GINM1: variants seen among roughly 807,000 people sequenced by gnomAD.
The protein encoded by GINM1 is glycoprotein integral membrane protein 1.
A neutral mutation model predicts 37.8 loss-of-function variants in GINM1; 29 were observed. The observed-to-expected ratio is 0.77, with a 90% CI of 0.57 to 1.05. The LOEUF is 1.05. GINM1 is among the 50% of genes least tolerant of loss of function. The pLI is 0.00. For synonymous variants in GINM1, 143 were observed against 146.2 expected (o/e 0.98, Z 0.16); for missense variants, 377 against 397.9 (o/e 0.95, Z 0.45).
At chr6:149,583,283 T>C (rs1778026771) in intron 7 of GINM1, among the ~76,000 whole-genome samples, 1 of 152,014 alleles carries the variant, frequency 6.6e-6, no homozygotes, top group Admixed American at 6.6e-5. Context: ...GCCAATATGA[T>C]GAAACCCTGT....
intron 1 of GINM1, among the ~76,000 whole-genome samples, chr6:149,567,626 G>C (rs148989925): frequency 1.1e-4 from 17 of 152,278 alleles, no homozygotes; most frequent in African/African-American, 4.1e-4. Flanking sequence ...GGGTGAGGGA[G>C]CTCAAAACAA....
rs1240804338 is a variant in GINM1, at chr6:149,582,565, AAC to A, written c.844_845del (p.Thr282HisfsTer10). ...VGITGAAVVITILKVFFPVSE... is the reference protein window; with the variant it reads ...VGITGAAVVIXILKVFFPVSE... ...GAATTACAGGAGCAGCTGTGGTAAT[AAC>A]CATCTTAAAGGTGTTTTTCCCAGTT... On this transcript the variant is annotated frameshift_variant, in exon 7 of 8. Coordinates refer to ENST00000367419, the MANE Select transcript of GINM1 (RefSeq NM_138785.5). LOFTEE classifies it high-confidence loss of function. 5 of 1,604,528 alleles carry A rather than the reference AAC, an allele frequency of 3.1e-6. No homozygotes were observed. The highest frequency in any genetic ancestry group is 4.2e-6 in the Non-Finnish European group (5 of 1,177,742).
At position 149,572,614 on chromosome 6, in the gene GINM1, C is replaced by T; in HGVS notation, c.277+11C>T. 7.2e-7 allele frequency: 1 copy of T among 1,395,912 alleles called. No individual in the cohort carries two copies. Among genetic ancestry groups the T allele is most frequent in the Non-Finnish European group, 1.0e-6 (1 of 987,052 alleles). The allele number at this position is 1,395,912 out of a possible 1,614,324, so 86.5% of individuals were successfully genotyped here. On this transcript the variant is annotated intron_variant, in intron 3 of 7. Coordinates refer to ENST00000367419, the MANE Select transcript of GINM1 (RefSeq NM_138785.5). ...GTCAGACTTTGATAGGTGAGTATTA[C>T]TAAATTATTTCCATAATTGCTCTGT...
chr6:149,568,221 G>T (rs979795504), intron 1 of GINM1, among the ~76,000 whole-genome samples: 2 of 152,240 alleles, frequency 1.3e-5, no homozygotes, highest in Non-Finnish European at 2.9e-5. Flanking sequence ...TGGATGATAA[G>T]CCTGGTTAAC....
At chr6:149,578,798 G>T (rs772714368) in intron 3 of GINM1, 24 bp from the exon 4 acceptor site, 2 of 1,480,978 alleles carry the variant, frequency 1.4e-6, no homozygotes, top group Non-Finnish European at 9.3e-7. Context: ...TTGTTCAAAG[G>T]TGTCACTACT....
chr6:149,579,352 A>G (rs975199847), intron 4 of GINM1, among the ~76,000 whole-genome samples: 2 of 152,140 alleles, frequency 1.3e-5, no homozygotes, highest in Non-Finnish European at 2.9e-5. Flanking sequence ...GAATATTATT[A>G]AAGTTGCAAG....
At chr6:149,572,077 A>AT (rs1582732042) in intron 1 of GINM1, among the ~76,000 whole-genome samples, 1 of 135,458 alleles carries the variant, frequency 7.4e-6, no homozygotes, top group East Asian at 3.1e-4. Context: ...GAGACTCTCA[A>AT]AAAATAAATA....
At chr6:149,587,407 T>C (rs1181058363) in intron 7 of GINM1, among the ~76,000 whole-genome samples, 6 of 152,174 alleles carry the variant, frequency 3.9e-5, no homozygotes, top group Non-Finnish European at 8.8e-5. Context: ...ATGCCAGTTG[T>C]AAGCCCCAGG....
chr6:149,580,549 TA>T, intron 5 of GINM1, 43 bp from the exon 6 acceptor site: 1 of 1,576,356 alleles, frequency 6.3e-7, no homozygotes, highest in African/African-American at 1.4e-5. Flanking sequence ...ACTAGTAGGA[TA>T]AGACACCAGC....
chr6:149,571,135 G>A (rs1015155476), intron 1 of GINM1, among the ~76,000 whole-genome samples: 1 of 152,024 alleles, frequency 6.6e-6, no homozygotes, highest in Non-Finnish European at 1.5e-5. Context: ...CCAACGTGGT[G>A]AAACCCCCGT....
intron 7 of GINM1, among the ~76,000 whole-genome samples, chr6:149,590,183 T>C (rs1022192151): frequency 2.6e-5 from 4 of 152,190 alleles, no homozygotes; most frequent in African/African-American, 9.7e-5. Flanking sequence ...AAAAAAAATC[T>C]TATGGCTGTT....
chr6:149,574,369 A>G (rs1438035009), intron 3 of GINM1, among the ~76,000 whole-genome samples: 1 of 150,616 alleles, frequency 6.6e-6, no homozygotes, highest in Non-Finnish European at 1.5e-5. Flanking sequence ...TGTTTCTGTC[A>G]GTCTGTCTTT....
chr6:149,568,341 C>T (rs1937409322), intron 1 of GINM1, among the ~76,000 whole-genome samples: 1 of 152,244 alleles, frequency 6.6e-6, no homozygotes, highest in African/African-American at 2.4e-5. Flanking sequence ...ACTGAAGTCC[C>T]TTGATCTAAG....
chr6:149,574,147 T>C (rs1372877836), intron 3 of GINM1, among the ~76,000 whole-genome samples: 1 of 142,170 alleles, frequency 7.0e-6, no homozygotes, highest in African/African-American at 2.5e-5. Flanking sequence ...TCCTCCTGGG[T>C]TCAAGTGATT....
chr6:149,583,804 T>C (rs978478144), intron 7 of GINM1, among the ~76,000 whole-genome samples: 1 of 152,114 alleles, frequency 6.6e-6, no homozygotes, highest in Non-Finnish European at 1.5e-5. Context: ...TATAAATGCA[T>C]AGAAAATTTC....
Position 149,582,487 on chromosome 6 carries a change from C to G in GINM1, c.765C>G (p.Phe255Leu). The G allele has an allele frequency of 6.2e-7, 1 of 1,612,158 alleles. No homozygotes were observed. Among genetic ancestry groups the G allele is most frequent in the Non-Finnish European group, 8.5e-7 (1 of 1,179,624 alleles). ...MEKFRKDLCR[F>L]WSNVFPVFFQ... ...AGTTTAGAAAAGATCTGTGTAGGTT[C>G]TGGAGCAACGTTTTCCCAGTATTCT... is the stretch of plus-strand genomic sequence containing the variant. Residue 255 changes from phenylalanine (F) to leucine (L), a missense_variant, in exon 7 of 8, where the codon TTC (phenylalanine) becomes TTG (leucine). Coordinates refer to ENST00000367419, the MANE Select transcript of GINM1 (RefSeq NM_138785.5).
intron 6 of GINM1, 112 bp downstream of exon 6, chr6:149,580,835 G>A (rs1777989263): frequency 8.0e-6 from 7 of 870,844 alleles, no homozygotes; most frequent in Non-Finnish European, 1.3e-5. Context: ...TAGAGCATTG[G>A]TGATAATGGA....
At chr6:149,590,534 A>G (rs551402378) in intron 7 of GINM1, among the ~76,000 whole-genome samples, 193 bp from the exon 8 acceptor site, 6 of 152,272 alleles carry the variant, frequency 3.9e-5, no homozygotes, top group Admixed American at 6.5e-5. Flanking sequence ...ATGCCTTTCT[A>G]TTCTCTCAGC....
chr6:149,577,074 A>T (rs1777924992), intron 3 of GINM1, among the ~76,000 whole-genome samples: 1 of 152,174 alleles, frequency 6.6e-6, no homozygotes, highest in Non-Finnish European at 1.5e-5. Context: ...GCCATGAGGG[A>T]TCTGCCCCCA....
Sources: gnomAD v4.1 joint callset for allele counts (sites outside exome capture counted in the v4.1 genomes callset) on GRCh38, gnomAD v4.1.1 for gene constraint, MANE v1.5 for transcripts, NCBI Gene and HGNC (gene_info 2026-07-23, HGNC 2026-07-21) for gene names.